The following DACH2 variants were observed in gnomAD, a reference collection of about 807,000 sequenced individuals.
DACH2 encodes the protein dachshund family transcription factor 2.
In DACH2, 17 loss-of-function variants were observed where a neutral mutation model predicts 35.8. The observed-to-expected ratio is 0.48, with a 90% CI of 0.33 to 0.71. DACH2 has a LOEUF of 0.71. Among genes scored for constraint, DACH2 ranks in the 30% least tolerant of loss-of-function variants. The pLI is 0.02. For synonymous variants in DACH2, 195 were observed against 177.3 expected (o/e 1.10, Z -0.79); for missense variants, 469 against 472.7 (o/e 0.99, Z 0.07).
At chrX:86,735,809 A>G (rs2041588888) in intron 6 of DACH2, among the ~76,000 whole-genome samples, 1 of 111,915 alleles carries the variant, frequency 8.9e-6, no homozygotes, top group Non-Finnish European at 1.9e-5. Flanking sequence ...ACATAAATGA[A>G]GTTATCAATG....
chrX:86,205,814 A>G (rs66527767), intron 1 of DACH2, among the ~76,000 whole-genome samples: 16,570 of 108,046 alleles, frequency 0.15, 3,197 homozygotes, highest in African/African-American at 0.53. Flanking sequence ...TGATCCTTCC[A>G]CCTGAGCCTC....
At chrX:86,348,664 T>C (rs1447429360) in intron 1 of DACH2, among the ~76,000 whole-genome samples, 1 of 112,269 alleles carries the variant, frequency 8.9e-6, no homozygotes, top group Non-Finnish European at 1.9e-5. Context: ...TTCTTCAAAA[T>C]GGAAAAAAAG....
intron 3 of DACH2, among the ~76,000 whole-genome samples, chrX:86,536,271 C>G (rs950759137): frequency 3.6e-5 from 4 of 111,859 alleles, no homozygotes; most frequent in Admixed American, 9.5e-5. Context: ...AGTTTCACAG[C>G]TTTCTGAGCC....
intron 4 of DACH2, among the ~76,000 whole-genome samples, chrX:86,684,617 AT>A (rs1019549163): frequency 9.0e-6 from 1 of 111,217 alleles, no homozygotes; most frequent in Non-Finnish European, 1.9e-5. Context: ...GAGTAGGTAA[AT>A]ATACATCCAT....
chrX:86,693,605 A>G (rs2041033553), intron 4 of DACH2, among the ~76,000 whole-genome samples: 2 of 112,213 alleles, frequency 1.8e-5, no homozygotes, highest in East Asian at 5.6e-4. Context: ...TAAATGTTAA[A>G]TCTTGAGGAG....
At chrX:86,792,362 CTA>C (rs1465172712) in intron 7 of DACH2, among the ~76,000 whole-genome samples, 1 of 111,781 alleles carries the variant, frequency 8.9e-6, no homozygotes, top group Non-Finnish European at 1.9e-5. Flanking sequence ...TTTGCCATTT[CTA>C]TGTGTTGGGA....
rs368249656 is a variant in DACH2, at chrX:86,707,973, G to A, written c.932-6575G>A. On this transcript the variant is annotated intron_variant, in intron 5 of 11. Transcript: ENST00000373125. The stretch of plus-strand genomic sequence containing the variant: ...GTGGAATTTATTCCAAGTATGCAAC[G>A]GTAGCTCAACATTGGAAAATCAATT... 2.5e-4 allele frequency among the ~76,000 whole-genome samples: 25 copies of A among 101,930 alleles called. No homozygotes were observed. The East Asian group carries it at 5.5e-3, about 22-fold the overall frequency. 88.5% of individuals were successfully genotyped at this position (101,930 alleles called of 115,157 possible).
intron 1 of DACH2, among the ~76,000 whole-genome samples, chrX:86,258,321 T>C (rs2033563549): frequency 9.0e-6 from 1 of 111,404 alleles, no homozygotes; most frequent in Non-Finnish European, 1.9e-5. Flanking sequence ...AAGCACACAA[T>C]GTTTACTGAC....
chrX:86,621,281 A>C (rs775205404), intron 3 of DACH2, among the ~76,000 whole-genome samples: 10 of 111,789 alleles, frequency 8.9e-5, no homozygotes, highest in Non-Finnish European at 1.9e-4. Context: ...AAAGTGGCAC[A>C]GTGAGACAGT....
intron 1 of DACH2, among the ~76,000 whole-genome samples, chrX:86,222,359 A>C (rs1342915231): frequency 8.9e-6 from 1 of 112,062 alleles, no homozygotes; most frequent in Non-Finnish European, 1.9e-5. Flanking sequence ...AAGGATCTGC[A>C]CATATATTCC....
intron 1 of DACH2, among the ~76,000 whole-genome samples, chrX:86,177,999 A>AC (rs1488180589): frequency 6.3e-5 from 7 of 111,702 alleles, no homozygotes; most frequent in African/African-American, 2.3e-4. Context: ...AAACAAACAA[A>AC]AAAACAAAGT....
chrX:86,831,958 A>G (rs975946401), intron 11 of DACH2, 148 bp from the exon 12 acceptor site: 2 of 408,178 alleles, frequency 4.9e-6, no homozygotes, highest in African/African-American at 5.1e-5. Context: ...AAATATAGAA[A>G]TGTTAAGAAA....
chrX:86,346,823 T>C (rs1322358673), intron 1 of DACH2, among the ~76,000 whole-genome samples: 1 of 111,861 alleles, frequency 8.9e-6, no homozygotes, highest in Non-Finnish European at 1.9e-5. Flanking sequence ...TATTTCATTT[T>C]AGAGTTGAGT....
At chrX:86,599,526 C>CTT in intron 3 of DACH2, among the ~76,000 whole-genome samples, 15 of 99,579 alleles carry the variant, frequency 1.5e-4, no homozygotes, top group East Asian at 3.1e-4. Context: ...TTCAAAGAGT[C>CTT]TCTCTCTGTC....
intron 2 of DACH2, among the ~76,000 whole-genome samples, chrX:86,379,332 TTGAC>T (rs1327107621): frequency 9.2e-6 from 1 of 108,205 alleles, no homozygotes; most frequent in East Asian, 2.8e-4. Flanking sequence ...AGGTAACTGT[TTGAC>T]TGATCTGAGA....
chrX:86,329,877 G>T (rs1179973993), intron 1 of DACH2, among the ~76,000 whole-genome samples: 1 of 111,806 alleles, frequency 8.9e-6, no homozygotes, highest in Non-Finnish European at 1.9e-5. Context: ...TATTTATAGT[G>T]TTGTTGATGT....
chrX:86,787,382 G>T (rs1259232292), intron 7 of DACH2, among the ~76,000 whole-genome samples: 1 of 111,397 alleles, frequency 9.0e-6, no homozygotes, highest in African/African-American at 3.3e-5. Flanking sequence ...CACTTTGGGA[G>T]GCCAAGGAGG....
At chrX:86,308,861 G>T (rs2034742487) in intron 1 of DACH2, among the ~76,000 whole-genome samples, 1 of 111,204 alleles carries the variant, frequency 9.0e-6, no homozygotes, top group Non-Finnish European at 1.9e-5. Context: ...TGGAGGTCAG[G>T]TAATTAATGG....
At chrX:86,154,299 A>C (rs1222234176) in intron 1 of DACH2, among the ~76,000 whole-genome samples, 1 of 111,619 alleles carries the variant, frequency 9.0e-6, no homozygotes, top group Non-Finnish European at 1.9e-5. Flanking sequence ...TATTAAAACC[A>C]TCCTAATTGA....
Sources: allele counts gnomAD v4.1 joint callset (sites outside exome capture counted in the v4.1 genomes callset), GRCh38; gene constraint gnomAD v4.1.1; transcripts MANE v1.5; gene names NCBI Gene and HGNC (gene_info 2026-07-23, HGNC 2026-07-21).